Variants in DIP2B observed in about 807,000 individuals in gnomAD.
DIP2B encodes the protein disco-interacting protein 2 homolog B.
Under a neutral mutation model 198.0 loss-of-function variants are expected in DIP2B, and 76 were observed. The ratio of observed to expected loss-of-function variants is 0.38; its 90% CI spans 0.32 to 0.46. The LOEUF is 0.46. Ranked by LOEUF, DIP2B falls within the 20% of genes least tolerant of loss-of-function variation. The pLI, the probability that DIP2B is intolerant of heterozygous loss-of-function variation, is 0.99. For synonymous variants in DIP2B, 701 were observed against 739.1 expected (o/e 0.95, Z 0.84); for missense variants, 1,559 against 1,978.4 (o/e 0.79, Z 4.02).
rs533439449 is a variant in DIP2B, at chr12:50,747,734, A to G, written c.*2895A>G. On this transcript the variant is annotated 3_prime_UTR_variant, in exon 38 of 38. Coordinates refer to ENST00000301180, the MANE Select transcript of DIP2B (RefSeq NM_173602.3). ...TGTCTGGGTTTTTAATGTCTGTGGAAAAAAACTAAACAAGTCTCTGTCTCA... is the reference window on the plus strand; with the variant it reads ...TGTCTGGGTTTTTAATGTCTGTGGAGAAAAACTAAACAAGTCTCTGTCTCA... The G allele has an allele frequency of 3.3e-5, 5 of 152,326 alleles. No homozygotes were observed. In the South Asian group the frequency reaches 1.0e-3, roughly 32 times the overall value. The allele number at this position is 152,326 out of a possible 1,614,324, so 9.4% of individuals were successfully genotyped here.
chr12:50,719,469 C>T (rs931265169), intron 25 of DIP2B, among the ~76,000 whole-genome samples: 2 of 152,142 alleles, frequency 1.3e-5, no homozygotes, highest in African/African-American at 2.4e-5. Flanking sequence ...TGATTTATTG[C>T]TAACAGATAA....
intron 27 of DIP2B, among the ~76,000 whole-genome samples, chr12:50,724,102 AAAAATGGAGCCCACAGTAT>A (rs916510408): frequency 6.6e-6 from 1 of 152,218 alleles, no homozygotes; most frequent in African/African-American, 2.4e-5. Flanking sequence ...CTCTGTCAGC[AAAAATGGAGCCCACAGTAT>A]AAAAGCCATG....
At chr12:50,623,437 A>ACACACACACACTCT (rs1308369241) in intron 1 of DIP2B, among the ~76,000 whole-genome samples, 4 of 57,112 alleles carry the variant, frequency 7.0e-5, no homozygotes, top group African/African-American at 3.0e-4. Context: ...ACACACACAC[A>ACACACACACACTCT]CTCTCTCTCT....
chr12:50,557,560 G>A (rs891158005), intron 1 of DIP2B, among the ~76,000 whole-genome samples: 2 of 152,238 alleles, frequency 1.3e-5, no homozygotes, highest in Non-Finnish European at 2.9e-5. Flanking sequence ...TCTACAAAGA[G>A]TGGATGATGG....
intron 4 of DIP2B, among the ~76,000 whole-genome samples, chr12:50,661,506 G>A (rs753491005): frequency 3.6e-4 from 55 of 152,120 alleles, no homozygotes; most frequent in Admixed American, 2.4e-3. Flanking sequence ...CATCTGTGGT[G>A]TCAACATGTT....
chr12:50,507,337 C>T (rs4072324), intron 1 of DIP2B, among the ~76,000 whole-genome samples: 63 of 152,270 alleles, frequency 4.1e-4, no homozygotes, highest in African/African-American at 1.5e-3. Context: ...ATCTTTCTTG[C>T]TTAAAGTACA....
At chr12:50,737,682 T>A (rs1940161733) in intron 35 of DIP2B, among the ~76,000 whole-genome samples, 1 of 151,896 alleles carries the variant, frequency 6.6e-6, no homozygotes, top group Non-Finnish European at 1.5e-5. Flanking sequence ...GCCTCCCGGG[T>A]TCAAGTGATT....
intron 1 of DIP2B, among the ~76,000 whole-genome samples, chr12:50,575,415 C>G (rs1355070104): frequency 2.0e-5 from 3 of 151,784 alleles, no homozygotes; most frequent in Non-Finnish European, 4.4e-5. Context: ...CAGGGTCTCG[C>G]TCTGTCACCC....
At chr12:50,733,173 T>C (rs1940076190) in intron 32 of DIP2B, among the ~76,000 whole-genome samples, 1 of 151,992 alleles carries the variant, frequency 6.6e-6, no homozygotes. Flanking sequence ...CCCAAAGTGC[T>C]GGGATTACAG....
intron 2 of DIP2B, among the ~76,000 whole-genome samples, chr12:50,631,090 C>T (rs896264585): frequency 6.6e-6 from 1 of 152,042 alleles, no homozygotes; most frequent in African/African-American, 2.4e-5. Context: ...ATTCCTTCTT[C>T]TGCCTCACTC....
At chr12:50,652,969 G>A (rs1474689976) in intron 3 of DIP2B, among the ~76,000 whole-genome samples, 3 of 151,070 alleles carry the variant, frequency 2.0e-5, no homozygotes, top group African/African-American at 7.3e-5. Context: ...AAAGAAACGG[G>A]GTCTCCCTCT....
At position 50,589,232 on chromosome 12, in the gene DIP2B, G is replaced by A. The variant is rs1958797765; in HGVS notation, c.101-36744G>A. ...AAAAATAAATAAATAAAATTTGTTT[G>A]TCTTTGTTTTTTTTTTTTTTGAGAT... On this transcript the variant is annotated intron_variant, in intron 1 of 37. Transcript: ENST00000301180. 4.1e-5 allele frequency among the ~76,000 whole-genome samples: 6 copies of A among 147,612 alleles called. No homozygotes were observed. In the South Asian group the frequency reaches 1.3e-3, roughly 31 times the overall value.
chr12:50,583,553 C>T lies in DIP2B; in HGVS notation c.101-42423C>T, dbSNP rs138472475. 2.9e-3 allele frequency among the ~76,000 whole-genome samples: 444 copies of T among 152,198 alleles called. 5 individuals are homozygous for T. Among genetic ancestry groups the T allele is most frequent in the African/African-American group, 0.01 (421 of 41,520 alleles). ...CCCGATGTAGGATTTTTTGACTTTA[C>T]GAAGGTGTGGAAGTGATACAAATTC... On this transcript the variant is annotated intron_variant, in intron 1 of 37. Coordinates refer to ENST00000301180, the MANE Select transcript of DIP2B (RefSeq NM_173602.3).
intron 1 of DIP2B, among the ~76,000 whole-genome samples, chr12:50,615,866 C>T (rs1593658640): frequency 1.3e-5 from 2 of 152,202 alleles, no homozygotes; most frequent in African/African-American, 4.8e-5. Flanking sequence ...TGCTAGAACC[C>T]GTGCTCTTTC....
At chr12:50,696,950 A>G (rs757723357) in intron 16 of DIP2B, 111 bp from the exon 17 acceptor site, 1 of 754,402 alleles carries the variant, frequency 1.3e-6, no homozygotes, top group Non-Finnish European at 2.2e-6. Flanking sequence ...AACAATATAC[A>G]ATATGAGTTC....
In DIP2B at chr12:50,546,740, G is replaced by A. The variant is rs190665381; in HGVS notation, c.100+41500G>A. On this transcript the variant is annotated intron_variant, in intron 1 of 37. Coordinates refer to ENST00000301180, the MANE Select transcript of DIP2B (RefSeq NM_173602.3). Reference sequence around the variant, plus strand: ...TTTTTTTGTATGGGAGAGGAGGGACGAGGAGGGAGTGGGCTGTTCTTAAAT... The same window carrying A: ...TTTTTTTGTATGGGAGAGGAGGGACAAGGAGGGAGTGGGCTGTTCTTAAAT... Among the ~76,000 whole-genome samples the A allele has an allele frequency of 2.2e-4, 34 of 152,270 alleles. 1 individual carries two copies. The highest frequency in any genetic ancestry group is 7.5e-4 in the African/African-American group (31 of 41,572).
intron 2 of DIP2B, among the ~76,000 whole-genome samples, chr12:50,639,857 C>T (rs1938223613): frequency 6.6e-6 from 1 of 152,084 alleles, no homozygotes; most frequent in Admixed American, 6.5e-5. Context: ...TGCATGATTC[C>T]ACTTATATGG....
intron 33 of DIP2B, 148 bp downstream of exon 33, chr12:50,734,344 A>G (rs1485930890): frequency 1.4e-6 from 1 of 731,202 alleles, no homozygotes; most frequent in Non-Finnish European, 2.3e-6. Flanking sequence ...TTTATCATTA[A>G]TACATAAGAT....
intron 3 of DIP2B, among the ~76,000 whole-genome samples, chr12:50,649,395 G>A (rs997573472): frequency 5.3e-5 from 8 of 152,176 alleles, no homozygotes; most frequent in African/African-American, 1.9e-4. Flanking sequence ...CAGATTAGAA[G>A]GCAGACCATT....
Sources: allele counts gnomAD v4.1 joint callset (sites outside exome capture counted in the v4.1 genomes callset), GRCh38; gene constraint gnomAD v4.1.1; transcripts MANE v1.5; gene names NCBI Gene and HGNC (gene_info 2026-07-23, HGNC 2026-07-21).